The following ADCY8 variants were observed in gnomAD, a reference collection of about 807,000 sequenced individuals.
ADCY8 encodes the protein adenylate cyclase type 8.
In ADCY8, 51 loss-of-function variants were observed where a neutral mutation model predicts 119.7. That is an observed-to-expected ratio of 0.43 (90% CI 0.34 to 0.54). ADCY8 has a LOEUF of 0.54. Ranked by LOEUF, ADCY8 falls within the 20% of genes least tolerant of loss-of-function variation. ADCY8 has a pLI of 0.03. For missense variants in ADCY8, 1,383 were observed against 1,598.8 expected, an observed-to-expected ratio of 0.87 and a Z score of 2.30; for synonymous variants, 665 against 651.0, an observed-to-expected ratio of 1.02 and a Z score of -0.33.
At chr8:130,871,215 C>A (rs1220078949) in intron 8 of ADCY8, among the ~76,000 whole-genome samples, 1 of 152,196 alleles carries the variant, frequency 6.6e-6, no homozygotes, top group Non-Finnish European at 1.5e-5. Context: ...AACACTCTGG[C>A]TCATAGCTTT....
At chr8:130,923,893 C>T (rs1283067774) in intron 5 of ADCY8, among the ~76,000 whole-genome samples, 1 of 152,132 alleles carries the variant, frequency 6.6e-6, no homozygotes, top group African/African-American at 2.4e-5. Flanking sequence ...TACTATGAGG[C>T]TGTTTTGATT....
rs116653584 is a variant in ADCY8 at position 130,802,111 on chromosome 8, A to G, written c.2914-1539T>C. Reference sequence around the variant, plus strand: ...CCATGTCTCATGCTTGGTTGCCCTCACCCTCCTCCAATCACAAATTCCATA... The same window carrying G: ...CCATGTCTCATGCTTGGTTGCCCTCGCCCTCCTCCAATCACAAATTCCATA... On this transcript the variant is annotated intron_variant, in intron 14 of 17. Transcript: ENST00000286355. Among the ~76,000 whole-genome samples the G allele has an allele frequency of 1.7e-3, 262 of 151,416 alleles. 2 individuals carry two copies. Among genetic ancestry groups the G allele is most frequent in the East Asian group, 6.8e-3 (35 of 5,162 alleles).
chr8:130,860,937 A>G (rs564897948), intron 9 of ADCY8, among the ~76,000 whole-genome samples: 6 of 152,112 alleles, frequency 3.9e-5, no homozygotes, highest in Non-Finnish European at 7.4e-5. Flanking sequence ...TGGGCATCCA[A>G]TTTTATCAGT....
intron 1 of ADCY8, among the ~76,000 whole-genome samples, chr8:131,004,464 C>T (rs563916135): frequency 1.6e-3 from 237 of 152,298 alleles, no homozygotes; most frequent in Admixed American, 5.0e-3. Context: ...CAAGCCTCAT[C>T]TTGGTCAATC....
chr8:130,841,935 G>C (rs1364019987), intron 11 of ADCY8, among the ~76,000 whole-genome samples: 1 of 152,204 alleles, frequency 6.6e-6, no homozygotes, highest in African/African-American at 2.4e-5. Context: ...GACCAGCCTA[G>C]ACTCTGCAGA....
At chr8:130,837,922 G>A (rs537829530) in intron 11 of ADCY8, among the ~76,000 whole-genome samples, 12 of 152,158 alleles carry the variant, frequency 7.9e-5, no homozygotes, top group African/African-American at 2.4e-4. Context: ...AGGTCACCAG[G>A]ATATAACCAA....
At chr8:130,989,396 G>A (rs1033195465) in intron 2 of ADCY8, among the ~76,000 whole-genome samples, 6 of 152,166 alleles carry the variant, frequency 3.9e-5, no homozygotes, top group African/African-American at 1.4e-4. Context: ...TGAAGAAAAT[G>A]TTGAGTCTTT....
chr8:130,956,032 A>G (rs1484338093), intron 2 of ADCY8, among the ~76,000 whole-genome samples: 1 of 152,098 alleles, frequency 6.6e-6, no homozygotes, highest in East Asian at 1.9e-4. Context: ...ATAGTCCCAG[A>G]TACTTGGGAG....
chr8:130,929,244 GTTTA>G (rs905166988), intron 5 of ADCY8, among the ~76,000 whole-genome samples: 1 of 151,982 alleles, frequency 6.6e-6, no homozygotes, highest in Non-Finnish European at 1.5e-5. Context: ...ATGTTAGGTT[GTTTA>G]TTTGAGATCC....
intron 7 of ADCY8, among the ~76,000 whole-genome samples, chr8:130,896,646 T>A (rs1375346010): frequency 1.3e-5 from 2 of 152,184 alleles, no homozygotes; most frequent in Non-Finnish European, 2.9e-5. Context: ...TCATAAGTTA[T>A]GCTTAGAGAA....
In ADCY8 at chr8:131,038,330, C is replaced by T. The variant is rs149423377; in HGVS notation, c.960+1044G>A. Among the ~76,000 whole-genome samples the T allele has an allele frequency of 3.8e-3, 575 of 152,216 alleles. 2 individuals are homozygous for T. Among genetic ancestry groups the T allele is most frequent in the Non-Finnish European group, 5.7e-3 (390 of 68,008 alleles). On this transcript the variant is annotated intron_variant, in intron 1 of 17. Coordinates refer to ENST00000286355, the MANE Select transcript of ADCY8 (RefSeq NM_001115.3). ...ACAGAGCAGGCCCATACAAAGCAGC[C>T]CCCTGACCATGCATCTCACACCAGC...
chr8:130,931,960 G>A (rs1336442341), intron 5 of ADCY8, among the ~76,000 whole-genome samples: 2 of 151,974 alleles, frequency 1.3e-5, no homozygotes, highest in Non-Finnish European at 2.9e-5. Flanking sequence ...TCAGTCACTG[G>A]TACCTTATTT....
intron 11 of ADCY8, among the ~76,000 whole-genome samples, chr8:130,841,115 G>C (rs6993838): frequency 0.14 from 20,690 of 152,172 alleles, 2,095 homozygotes; most frequent in African/African-American, 0.29. Context: ...GGAGGGACCA[G>C]CTGGGTTGGG....
chr8:130,992,993 C>T (rs1021474000), intron 1 of ADCY8, among the ~76,000 whole-genome samples: 4 of 152,006 alleles, frequency 2.6e-5, no homozygotes, highest in Admixed American at 6.6e-5. Context: ...ATCTTGAAAA[C>T]AGTCAGATAA....
In ADCY8 at chr8:130,884,774, C is replaced by A; in HGVS notation, c.1912-13G>T. The A allele has an allele frequency of 6.2e-7, 1 of 1,612,490 alleles. No individual in the cohort carries two copies. ...GGGCAGCCAGAGTCTAGGGGGAAAG[C>A]ACATGCAAACACAATAAACCTGCTA... On this transcript the variant is annotated splice_polypyrimidine_tract_variant and intron_variant, in intron 7 of 17. Transcript: ENST00000286355.
intron 1 of ADCY8, among the ~76,000 whole-genome samples, chr8:130,994,402 T>C (rs1016442852): frequency 6.6e-6 from 1 of 152,270 alleles, no homozygotes; most frequent in Non-Finnish European, 1.5e-5. Flanking sequence ...ATTTGACGTT[T>C]GTCCTTACTT....
chr8:131,031,032 A>G (rs1312315965), intron 1 of ADCY8, among the ~76,000 whole-genome samples: 2 of 152,234 alleles, frequency 1.3e-5, no homozygotes, highest in African/African-American at 2.4e-5. Flanking sequence ...ACTGACCTTG[A>G]AGAAAAGCTG....
chr8:130,809,731 G>C (rs1479295520), intron 14 of ADCY8, among the ~76,000 whole-genome samples: 1 of 152,214 alleles, frequency 6.6e-6, no homozygotes, highest in African/African-American at 2.4e-5. Flanking sequence ...TTAATACGTT[G>C]GGATTTTCCC....
intron 8 of ADCY8, among the ~76,000 whole-genome samples, chr8:130,871,514 G>A (rs546932338): frequency 1.3e-5 from 2 of 152,254 alleles, no homozygotes; most frequent in African/African-American, 4.8e-5. Flanking sequence ...TATATAAGAT[G>A]CTTAGAACAG....
Sources: gnomAD v4.1 joint callset for allele counts (sites outside exome capture counted in the v4.1 genomes callset) on GRCh38, gnomAD v4.1.1 for gene constraint, MANE v1.5 for transcripts, NCBI Gene and HGNC (gene_info 2026-07-23, HGNC 2026-07-21) for gene names.